Variants in KCNIP4 observed in about 807,000 individuals in gnomAD.
KCNIP4 encodes the protein Kv channel-interacting protein 4.
In KCNIP4, 12 loss-of-function variants were observed where a neutral mutation model predicts 34.0. That is an observed-to-expected ratio of 0.35 (90% CI 0.23 to 0.57). The LOEUF is 0.57. Among genes scored for constraint, KCNIP4 ranks in the 20% least tolerant of loss-of-function variants. The pLI, the probability that KCNIP4 is intolerant of heterozygous loss-of-function variation, is 0.83. For missense variants in KCNIP4, 238 were observed against 311.7 expected (o/e 0.76, Z 1.78); for synonymous variants, 124 against 102.2 (o/e 1.21, Z -1.29).
chr4:21,117,845 G>C (rs1318977912), intron 1 of KCNIP4, among the ~76,000 whole-genome samples: 1 of 152,094 alleles, frequency 6.6e-6, no homozygotes, highest in African/African-American at 2.4e-5. Flanking sequence ...ACTCAGAGTA[G>C]GCAATGGGAG....
Position 21,947,409 on chromosome 4 carries a change from T to C in KCNIP4, c.61+1162A>G, listed in dbSNP as rs77353154. 1.2e-3 allele frequency among the ~76,000 whole-genome samples: 186 copies of C among 152,300 alleles called. 3 individuals carry two copies. The East Asian group carries it at 0.028, about 23-fold the overall frequency. On this transcript the variant is annotated intron_variant, in intron 1 of 8. Coordinates refer to ENST00000382152, the MANE Select transcript of KCNIP4 (RefSeq NM_025221.6). ...GTGATGTTCATATTATTTTTTCCAG[T>C]CCAAAAGGATTAAGACTGTTCTCTT...
intron 1 of KCNIP4, among the ~76,000 whole-genome samples, chr4:20,938,241 G>A (rs527436441): frequency 6.7e-6 from 1 of 150,080 alleles, no homozygotes; most frequent in Non-Finnish European, 1.5e-5. Context: ...CTCAATTAAA[G>A]GTTGGTGCAG....
In KCNIP4 at chr4:21,628,811, T is replaced by C. The variant is rs186240151; in HGVS notation, c.61+319760A>G. Among the ~76,000 whole-genome samples the C allele has an allele frequency of 3.0e-3, 456 of 152,344 alleles. 3 individuals are homozygous for C. The highest frequency in any genetic ancestry group is 0.011 in the African/African-American group (438 of 41,586). Reference sequence around the variant, plus strand: ...TTTGCTATATTTAACCAATCACTATTGAACTTAATACCATAATAAATTATA... The same window carrying C: ...TTTGCTATATTTAACCAATCACTATCGAACTTAATACCATAATAAATTATA... On this transcript the variant is annotated intron_variant, in intron 1 of 8. Coordinates refer to ENST00000382152, the MANE Select transcript of KCNIP4 (RefSeq NM_025221.6).
rs753172948 is a variant in KCNIP4, at chr4:20,882,635, C to A, written c.136G>T (p.Ala46Ser). 5 of 1,613,088 alleles carry A rather than the reference C, an allele frequency of 3.1e-6. No homozygotes were observed. In the Admixed American group the frequency reaches 5.0e-5, roughly 16 times the overall value. The change falls in exon 2 of 9, where the codon GCC becomes TCC. Residue 46 changes from alanine to serine, a missense_variant. Ala to Ser is a moderately conservative substitution (Grantham distance 99, BLOSUM62 1). Transcript: ENST00000382152. ...TGAATAGCAGGAGACGACGTTTTGG[C>A]AGCTGAGCAGGGCAAGAGCTTCATG... Reference protein sequence around the residue: ...RLMKLLPCSAAKTSSPAIQNS... With the variant: ...RLMKLLPCSASKTSSPAIQNS...
At chr4:20,909,455 A>G (rs1490856213) in intron 1 of KCNIP4, among the ~76,000 whole-genome samples, 1 of 152,114 alleles carries the variant, frequency 6.6e-6, no homozygotes, top group Non-Finnish European at 1.5e-5. Context: ...AACACACACA[A>G]CTGTCGACTG....
chr4:20,906,482 C>T, intron 1 of KCNIP4, among the ~76,000 whole-genome samples: 1 of 152,134 alleles, frequency 6.6e-6, no homozygotes, highest in East Asian at 1.9e-4. Flanking sequence ...ACGTTTCTGC[C>T]ATGTCTGCCT....
At chr4:20,856,673 G>C (rs1016518754) in intron 2 of KCNIP4, among the ~76,000 whole-genome samples, 1 of 152,254 alleles carries the variant, frequency 6.6e-6, no homozygotes, top group Middle Eastern at 3.4e-3. Flanking sequence ...TTGAATATTT[G>C]CTGCCCTATA....
At chr4:21,817,490 T>C (rs923613887) in intron 1 of KCNIP4, among the ~76,000 whole-genome samples, 1 of 152,050 alleles carries the variant, frequency 6.6e-6, no homozygotes, top group Non-Finnish European at 1.5e-5. Context: ...AAGACAACCA[T>C]AAGGGTGACT....
intron 1 of KCNIP4, among the ~76,000 whole-genome samples, chr4:21,224,421 G>A (rs757042190): frequency 1.3e-5 from 2 of 151,486 alleles, no homozygotes; most frequent in Non-Finnish European, 2.9e-5. Flanking sequence ...AATTACCTAA[G>A]CCAACTTACC....
intron 1 of KCNIP4, among the ~76,000 whole-genome samples, chr4:21,665,885 C>T (rs1049668387): frequency 2.6e-5 from 4 of 152,228 alleles, no homozygotes; most frequent in Non-Finnish European, 5.9e-5. Context: ...TCTGACCATA[C>T]ATGGCGCCCC....
chr4:21,041,262 A>ACACACG (rs754394666), intron 1 of KCNIP4, among the ~76,000 whole-genome samples: 95 of 151,438 alleles, frequency 6.3e-4, no homozygotes, highest in South Asian at 1.5e-3. Flanking sequence ...ACACACACAC[A>ACACACG]CACGCACATG....
chr4:21,917,977 G>C (rs984165414), intron 1 of KCNIP4, among the ~76,000 whole-genome samples: 35 of 152,238 alleles, frequency 2.3e-4, no homozygotes, highest in Non-Finnish European at 1.8e-4. Flanking sequence ...CTACAAGATG[G>C]ACACTAAAAT....
chr4:21,909,889 C>T (rs1728205344), intron 1 of KCNIP4, among the ~76,000 whole-genome samples: 1 of 152,006 alleles, frequency 6.6e-6, no homozygotes, highest in Admixed American at 6.6e-5. Context: ...TTCACTACCA[C>T]AAGGATAGTA....
intron 1 of KCNIP4, among the ~76,000 whole-genome samples, chr4:21,905,588 TCAGCAAACTATCG>T (rs1727953700): frequency 6.6e-6 from 1 of 152,052 alleles, no homozygotes; most frequent in Admixed American, 6.6e-5. Context: ...ACCATCATTC[TCAGCAAACTATCG>T]CAAGGACAAA....
At position 20,875,353 on chromosome 4, in the gene KCNIP4, T is replaced by G. The variant is rs145812840; in HGVS notation, c.163+7255A>C. Among the ~76,000 whole-genome samples, 514 of 152,300 alleles carry G rather than the reference T, an allele frequency of 3.4e-3. 2 individuals carry two copies. Among genetic ancestry groups the G allele is most frequent in the Non-Finnish European group, 5.8e-3 (393 of 68,024 alleles). On this transcript the variant is annotated intron_variant, in intron 2 of 8. Transcript: ENST00000382152. ...TGTGATTCAGAAATTAAATAATCCC[T>G]CATACCTCAGTTTCCTATTCTGTAA...
At chr4:20,790,528 C>T (rs1016695925) in intron 3 of KCNIP4, among the ~76,000 whole-genome samples, 1 of 151,290 alleles carries the variant, frequency 6.6e-6, no homozygotes, top group Admixed American at 6.6e-5. Context: ...TTTCTTTCCT[C>T]AATTTTATAA....
chr4:20,888,668 A>G (rs776029813), intron 1 of KCNIP4, among the ~76,000 whole-genome samples: 4 of 152,162 alleles, frequency 2.6e-5, no homozygotes, highest in African/African-American at 9.6e-5. Flanking sequence ...ATCGCCACCT[A>G]CAATGGACAG....
chr4:21,560,494 TA>T (rs1467482849), intron 1 of KCNIP4, among the ~76,000 whole-genome samples: 2 of 152,102 alleles, frequency 1.3e-5, no homozygotes, highest in Non-Finnish European at 2.9e-5. Flanking sequence ...CTAAGCCAAA[TA>T]ATCTTAGCAC....
chr4:21,494,084 A>C (rs1331578783), intron 1 of KCNIP4, among the ~76,000 whole-genome samples: 1 of 152,206 alleles, frequency 6.6e-6, no homozygotes, highest in Non-Finnish European at 1.5e-5. Flanking sequence ...AGGTTTAATC[A>C]CATGGCAACT....
Sources: gnomAD v4.1 joint callset for allele counts (sites outside exome capture counted in the v4.1 genomes callset) on GRCh38, gnomAD v4.1.1 for gene constraint, MANE v1.5 for transcripts, NCBI Gene and HGNC (gene_info 2026-07-23, HGNC 2026-07-21) for gene names.